Variants in ROBO2 observed in about 807,000 individuals in gnomAD.
The protein encoded by ROBO2 is roundabout guidance receptor 2, also known as roundabout homolog 2.
In ROBO2, 53 loss-of-function variants were observed where a neutral mutation model predicts 160.8. That is an observed-to-expected ratio of 0.33 (90% confidence interval 0.26 to 0.41). ROBO2 has a LOEUF of 0.41. Ranked by LOEUF, ROBO2 falls within the 10% of genes least tolerant of loss-of-function variation. The probability of loss-of-function intolerance (pLI) is 1.00; values close to 1 mark genes in which losing one functional copy is unlikely to be tolerated. For synonymous variants in ROBO2, 664 were observed against 611.7 expected (o/e 1.09, Z -1.26); for missense variants, 1,577 against 1,722.4 (o/e 0.92, Z 1.49).
chr3:76,015,094 G>C lies in ROBO2; in HGVS notation c.109+77492G>C, dbSNP rs1485178635. On this transcript the variant is annotated intron_variant, in intron 2 of 26. Coordinates refer to the ROBO2 transcript ENST00000487694. ...AGTCCAGTCTTCGGCTCCTTTTCCTGTGGCTTTAAAAGTTTATATTAGATA... is the reference window on the plus strand; with the variant it reads ...AGTCCAGTCTTCGGCTCCTTTTCCTCTGGCTTTAAAAGTTTATATTAGATA... Among the ~76,000 whole-genome samples the C allele has an allele frequency of 2.0e-5, 3 of 152,110 alleles. No homozygotes were observed. The South Asian group carries it at 6.2e-4, about 32-fold the overall frequency.
At chr3:76,934,518 GGATCAC>G (rs1400148628) in intron 2 of ROBO2, among the ~76,000 whole-genome samples, 2 of 152,088 alleles carry the variant, frequency 1.3e-5, no homozygotes, top group Admixed American at 1.3e-4. Context: ...CGAGAGGGCC[GGATCAC>G]GAGGTCAAGA....
chr3:76,337,299 A>T (rs983286810), intron 2 of ROBO2, among the ~76,000 whole-genome samples: 2 of 152,194 alleles, frequency 1.3e-5, no homozygotes, highest in African/African-American at 4.8e-5. Flanking sequence ...GAAAATACTA[A>T]AAACTCTCCC....
intron 2 of ROBO2, among the ~76,000 whole-genome samples, chr3:76,037,914 A>G (rs1016435992): frequency 6.6e-5 from 10 of 152,042 alleles, no homozygotes; most frequent in African/African-American, 2.4e-4. Flanking sequence ...GGAAGTATGA[A>G]TAAGTAAAAT....
intron 2 of ROBO2, among the ~76,000 whole-genome samples, chr3:76,548,921 T>C (rs2083264721): frequency 6.6e-6 from 1 of 152,094 alleles, no homozygotes; most frequent in Admixed American, 6.5e-5. Context: ...GAAGACTGAG[T>C]AGTCAAATCC....
chr3:76,172,638 A>G (rs906991061), intron 2 of ROBO2, among the ~76,000 whole-genome samples: 4 of 152,018 alleles, frequency 2.6e-5, no homozygotes, highest in African/African-American at 7.2e-5. Context: ...CAACTAAGAA[A>G]AAAAGTAACA....
intron 2 of ROBO2, among the ~76,000 whole-genome samples, chr3:76,177,656 A>G (rs2073278223): frequency 6.6e-6 from 1 of 152,036 alleles, no homozygotes; most frequent in African/African-American, 2.4e-5. Flanking sequence ...TCTATTTTAC[A>G]TGCTAATTGT....
chr3:77,488,452 G>GA (rs1404296493), intron 4 of ROBO2, among the ~76,000 whole-genome samples: 1 of 152,074 alleles, frequency 6.6e-6, no homozygotes, highest in Admixed American at 6.5e-5. Flanking sequence ...GTATTAACAT[G>GA]AAAAAATCAG....
intron 2 of ROBO2, among the ~76,000 whole-genome samples, chr3:75,945,431 G>A (rs1948244218): frequency 1.3e-5 from 2 of 152,104 alleles, no homozygotes; most frequent in Admixed American, 1.3e-4. Context: ...CGAAGAAGTA[G>A]GAATTGTGTA....
At chr3:76,137,008 G>A (rs950562269) in intron 2 of ROBO2, among the ~76,000 whole-genome samples, 23 of 151,852 alleles carry the variant, frequency 1.5e-4, no homozygotes, top group African/African-American at 5.1e-4. Flanking sequence ...GGAAAATGCA[G>A]AACCTTCAGA....
chr3:77,509,973 G>A (rs1183882064), intron 5 of ROBO2, among the ~76,000 whole-genome samples: 1 of 152,024 alleles, frequency 6.6e-6, no homozygotes, highest in African/African-American at 2.4e-5. Context: ...GGAGGTATGG[G>A]GAGTGGGCCA....
intron 4 of ROBO2, among the ~76,000 whole-genome samples, chr3:77,486,131 A>G (rs2085322930): frequency 6.6e-6 from 1 of 152,174 alleles, no homozygotes; most frequent in Non-Finnish European, 1.5e-5. Flanking sequence ...TTATGACTGC[A>G]TAGTATTCCA....
chr3:77,361,990 A>G (rs1396681936), intron 2 of ROBO2, among the ~76,000 whole-genome samples: 1 of 152,188 alleles, frequency 6.6e-6, no homozygotes, highest in African/African-American at 2.4e-5. Flanking sequence ...AATGATATTT[A>G]TAACTTAACG....
intron 2 of ROBO2, among the ~76,000 whole-genome samples, chr3:76,234,504 C>T (rs149878952): frequency 1.9e-4 from 29 of 152,214 alleles, no homozygotes; most frequent in African/African-American, 6.3e-4. Flanking sequence ...TCACCAGCAG[C>T]GTAAAAGTGT....
intron 2 of ROBO2, among the ~76,000 whole-genome samples, chr3:76,948,896 ATATATATATATATTTT>A (rs2078757575): frequency 7.1e-5 from 2 of 28,266 alleles, no homozygotes; most frequent in South Asian, 1.3e-3. Flanking sequence ...ATATATATAT[ATATATATATATATTTT>A]TTTTTTTTTT....
At chr3:76,740,867 A>C (rs2093790689) in intron 2 of ROBO2, among the ~76,000 whole-genome samples, 1 of 152,144 alleles carries the variant, frequency 6.6e-6, no homozygotes, top group African/African-American at 2.4e-5. Context: ...CTAATTAAAT[A>C]ACTGCATGAG....
chr3:77,297,770 G>A (rs900724941), intron 2 of ROBO2, among the ~76,000 whole-genome samples: 15 of 152,210 alleles, frequency 9.9e-5, no homozygotes, highest in African/African-American at 3.4e-4. Context: ...TACATTTAAC[G>A]GAAGAAGAAA....
chr3:76,213,183 C>A (rs532360172), intron 2 of ROBO2, among the ~76,000 whole-genome samples: 1 of 152,012 alleles, frequency 6.6e-6, no homozygotes, highest in South Asian at 2.1e-4. Context: ...TTTGGATTGG[C>A]CATTATAACC....
intron 2 of ROBO2, among the ~76,000 whole-genome samples, chr3:77,029,435 C>T (rs1224162932): frequency 2.0e-5 from 3 of 152,090 alleles, no homozygotes; most frequent in Admixed American, 2.0e-4. Flanking sequence ...AACAGGAAAG[C>T]TGTAAAAAGA....
At chr3:76,505,382 A>T (rs75144845) in intron 2 of ROBO2, among the ~76,000 whole-genome samples, 2 of 147,250 alleles carry the variant, frequency 1.4e-5, no homozygotes, top group South Asian at 2.2e-4. Flanking sequence ...AAAAAAAAAA[A>T]TGCTATTAGT....
Sources: gnomAD v4.1 joint callset for allele counts (sites outside exome capture counted in the v4.1 genomes callset) on GRCh38, gnomAD v4.1.1 for gene constraint, MANE v1.5 for transcripts, NCBI Gene and HGNC (gene_info 2026-07-23, HGNC 2026-07-21) for gene names.